MYO10: variants seen among roughly 807,000 people sequenced by gnomAD.
MYO10 encodes the protein myosin X.
A neutral mutation model predicts 257.3 loss-of-function variants in MYO10; 133 were observed. That is an observed-to-expected ratio of 0.52 (90% CI 0.45 to 0.60). The LOEUF is 0.60. MYO10 is among the 20% of genes least tolerant of loss of function. The pLI is 0.00. For missense variants in MYO10, 2,399 were observed against 2,635.7 expected (o/e 0.91, Z 1.97); for synonymous variants, 1,104 against 1,028.6 (o/e 1.07, Z -1.40).
intron 19 of MYO10, among the ~76,000 whole-genome samples, chr5:16,725,447 C>T (rs60461916): frequency 1.3e-5 from 2 of 152,054 alleles, no homozygotes; most frequent in African/African-American, 2.4e-5. Context: ...AACTACCCAG[C>T]CCTTGAACAG....
At chr5:16,738,524 A>C in intron 19 of MYO10, 1 of 438,530 alleles carries the variant, frequency 2.3e-6, no homozygotes, top group Non-Finnish European at 3.0e-6. Flanking sequence ...CCTTCTCAGC[A>C]GGTGTATGTG....
At chr5:16,679,524 G>GT (rs33919452) in intron 33 of MYO10, among the ~76,000 whole-genome samples, 1,229 of 122,638 alleles carry the variant, frequency 0.01, 14 homozygotes, top group South Asian at 0.026. Flanking sequence ...TTTTTTGGGT[G>GT]TTTTTTTTTT....
chr5:16,873,408 C>T (rs906706904), intron 2 of MYO10, among the ~76,000 whole-genome samples: 5 of 152,226 alleles, frequency 3.3e-5, no homozygotes, highest in Non-Finnish European at 5.9e-5. Context: ...CAGCTGCTTT[C>T]ATGGGCTGGC....
At chr5:16,902,663 G>C in intron 1 of MYO10, 4 of 1,166,812 alleles carry the variant, frequency 3.4e-6, no homozygotes, top group South Asian at 2.4e-5. Flanking sequence ...GGACCGGAGA[G>C]AGGCCCGGCT....
At chr5:16,772,189 A>G (rs1036817886) in intron 9 of MYO10, among the ~76,000 whole-genome samples, 6 of 151,420 alleles carry the variant, frequency 4.0e-5, no homozygotes, top group Admixed American at 2.6e-4. Flanking sequence ...CTGGAGTGCA[A>G]TGGCATGATC....
At chr5:16,919,838 T>C (rs1580151627) in intron 1 of MYO10, among the ~76,000 whole-genome samples, 1 of 151,604 alleles carries the variant, frequency 6.6e-6, no homozygotes, top group South Asian at 2.1e-4. Context: ...TTAGGCCGGG[T>C]GTGGTGGCTC....
At chr5:16,784,865 G>A (rs1374066314) in intron 4 of MYO10, among the ~76,000 whole-genome samples, 1 of 152,114 alleles carries the variant, frequency 6.6e-6, no homozygotes, top group African/African-American at 2.4e-5. Flanking sequence ...GGGGTCCCAG[G>A]GATCTCCACT....
At chr5:16,741,975 T>C in intron 19 of MYO10, 7 of 985,430 alleles carry the variant, frequency 7.1e-6, no homozygotes, top group Non-Finnish European at 7.2e-6. Context: ...AATTCATTCC[T>C]GATTCTACTC....
chr5:16,909,875 A>T (rs1001963036), intron 1 of MYO10, among the ~76,000 whole-genome samples: 1 of 152,084 alleles, frequency 6.6e-6, no homozygotes, highest in African/African-American at 2.4e-5. Flanking sequence ...CTGGTTGTTG[A>T]AAAGAGCCTG....
At chr5:16,889,823 T>C (rs1745001851) in intron 1 of MYO10, among the ~76,000 whole-genome samples, 1 of 151,812 alleles carries the variant, frequency 6.6e-6, no homozygotes, top group South Asian at 2.1e-4. Flanking sequence ...GCGTGAAATC[T>C]GATACCAGAC....
At chr5:16,806,306 G>A (rs563918981) in intron 3 of MYO10, among the ~76,000 whole-genome samples, 6 of 151,190 alleles carry the variant, frequency 4.0e-5, no homozygotes, top group African/African-American at 1.5e-4. Flanking sequence ...GCAGTGAACC[G>A]AGATCACGCC....
At chr5:16,898,413 C>CTG (rs369142900) in intron 1 of MYO10, among the ~76,000 whole-genome samples, 7 of 136,974 alleles carry the variant, frequency 5.1e-5, no homozygotes, top group African/African-American at 1.9e-4. Context: ...ATTTCTTTCT[C>CTG]TTTTTTTTTT....
intron 28 of MYO10, 34 bp from the exon 29 acceptor site, chr5:16,685,865 G>A: frequency 2.0e-6 from 3 of 1,528,806 alleles, no homozygotes; most frequent in Non-Finnish European, 2.7e-6. Flanking sequence ...TCAAGGAGAG[G>A]CCAACCTCGT....
intron 3 of MYO10, among the ~76,000 whole-genome samples, chr5:16,801,290 C>T (rs1193866082): frequency 6.6e-6 from 1 of 152,194 alleles, no homozygotes; most frequent in South Asian, 2.1e-4. Context: ...TTACTGCAGC[C>T]TCCGCCTCCC....
At chr5:16,888,583 G>T (rs183256362) in intron 1 of MYO10, among the ~76,000 whole-genome samples, 1 of 150,668 alleles carries the variant, frequency 6.6e-6, no homozygotes, top group Non-Finnish European at 1.5e-5. Flanking sequence ...CAACAAGAGC[G>T]AGACTCCGTC....
intron 1 of MYO10, among the ~76,000 whole-genome samples, chr5:16,888,110 C>T (rs944937968): frequency 6.6e-6 from 1 of 152,126 alleles, no homozygotes; most frequent in Admixed American, 6.5e-5. Context: ...TAAATCGTTC[C>T]ACCCACTCAC....
In MYO10 at chr5:16,668,308, T is replaced by C. The variant is rs1736271326; in HGVS notation, c.6044A>G (p.Asp2015Gly). The C allele has an allele frequency of 2.5e-6, 4 of 1,613,380 alleles. No homozygotes were observed. The highest frequency in any genetic ancestry group is 2.5e-6 in the Non-Finnish European group (3 of 1,179,720). The change falls in exon 40 of 41, where the codon GAT becomes GGT. Residue 2015 changes from aspartate to glycine, a missense_variant. Around this residue, in one of 3 missense-constraint regions of MYO10, gnomAD observed 1,820 missense variants for 1,939.4 expected, o/e 0.94. Transcript: ENST00000513610. ...GGTTTCAAAGAGCAGCTCCCTCTCA[T>C]CGACCACGATCTTATACGTATTCGC... ...PLANTYKIVV[D>G]ERELLFETSE...
intron 19 of MYO10, among the ~76,000 whole-genome samples, chr5:16,711,649 GCA>G (rs1458529606): frequency 2.0e-5 from 3 of 152,128 alleles, no homozygotes; most frequent in Non-Finnish European, 4.4e-5. Context: ...AGGCGTGGTG[GCA>G]CGCGCCTGTA....
chr5:16,764,225 C>T (rs250341), intron 12 of MYO10, 25 bp downstream of exon 12: 918,845 of 1,609,592 alleles, frequency 0.57, 265,319 homozygotes, highest in South Asian at 0.65. Context: ...AGAGAATTCA[C>T]GTGCTGCACT....
Sources: allele counts gnomAD v4.1 joint callset (sites outside exome capture counted in the v4.1 genomes callset), GRCh38; gene constraint gnomAD v4.1.1; regional missense constraint gnomAD v4.1.1; transcripts MANE v1.5; gene names NCBI Gene and HGNC (gene_info 2026-07-23, HGNC 2026-07-21).